The following ATRN variants were observed in gnomAD, a reference collection of about 807,000 sequenced individuals.
ATRN encodes attractin-2.
ATRN carries 54 observed loss-of-function variants against 178.7 expected under a neutral mutation model. That is an observed-to-expected ratio of 0.30 (90% CI 0.24 to 0.38). The LOEUF (loss-of-function observed/expected upper bound fraction) is 0.38, where lower values mean the gene tolerates loss of function less well. ATRN is among the 10% of genes least tolerant of loss of function. The pLI is 1.00. For synonymous variants in ATRN, 636 were observed against 663.0 expected (o/e 0.96, Z 0.63); for missense variants, 1,443 against 1,815.1 (o/e 0.79, Z 3.73).
chr20:3,485,476 T>C lies in ATRN; in HGVS notation c.410+13959T>C, dbSNP rs114306458. Among the ~76,000 whole-genome samples the C allele has an allele frequency of 2.0e-3, 306 of 152,284 alleles. 1 individual carries two copies. Among genetic ancestry groups the C allele is most frequent in the African/African-American group, 7.1e-3 (295 of 41,562 alleles). On this transcript the variant is annotated intron_variant, in intron 1 of 28. Transcript: ENST00000262919. ...TATTGATTTTTGTCTTTTCATCTGTTAATGTGGTAAATTACACTTACATAC... is the reference window on the plus strand; with the variant it reads ...TATTGATTTTTGTCTTTTCATCTGTCAATGTGGTAAATTACACTTACATAC...
chr20:3,546,114 A>G (rs1460098524), intron 4 of ATRN, among the ~76,000 whole-genome samples: 1 of 152,170 alleles, frequency 6.6e-6, no homozygotes, highest in Admixed American at 6.5e-5. Context: ...TAGATTGTCA[A>G]AGTAACTGGT....
At chr20:3,515,001 CT>C (rs1460776206) in intron 1 of ATRN, among the ~76,000 whole-genome samples, 1 of 152,026 alleles carries the variant, frequency 6.6e-6, no homozygotes, top group African/African-American at 2.4e-5. Context: ...ATATTAGGAG[CT>C]TGTACAAAGA....
intron 15 of ATRN, among the ~76,000 whole-genome samples, chr20:3,579,887 C>CG (rs1383160695): frequency 1.3e-5 from 2 of 152,158 alleles, no homozygotes; most frequent in African/African-American, 2.4e-5. Context: ...CCTGTGGCCT[C>CG]TGTGTACCAC....
Position 3,494,791 on chromosome 20 carries a change from C to T in ATRN, c.410+23274C>T, listed in dbSNP as rs565233256. 1.1e-3 allele frequency among the ~76,000 whole-genome samples: 172 copies of T among 152,082 alleles called. 1 individual carries two copies. Among genetic ancestry groups the T allele is most frequent in the Non-Finnish European group, 2.0e-3 (134 of 67,998 alleles). ...AACATAGAGATGGTAGATGAAGCCACGGATGCAGATGTAATTACCTGTAGG... is the reference window on the plus strand; with the variant it reads ...AACATAGAGATGGTAGATGAAGCCATGGATGCAGATGTAATTACCTGTAGG... On this transcript the variant is annotated intron_variant, in intron 1 of 28. Coordinates refer to ENST00000262919, the MANE Select transcript of ATRN (RefSeq NM_139321.3).
intron 1 of ATRN, among the ~76,000 whole-genome samples, chr20:3,510,359 G>C (rs986648932): frequency 6.6e-6 from 1 of 152,198 alleles, no homozygotes. Context: ...CACCTCTGCT[G>C]TTGTAGAGAG....
intron 6 of ATRN, among the ~76,000 whole-genome samples, chr20:3,559,127 A>G (rs1214908438): frequency 6.6e-6 from 1 of 152,186 alleles, no homozygotes; most frequent in Non-Finnish European, 1.5e-5. Context: ...GACTGTGTAT[A>G]GAAGAGGTTT....
At chr20:3,530,509 G>A (rs1039023509) in intron 1 of ATRN, among the ~76,000 whole-genome samples, 7 of 149,424 alleles carry the variant, frequency 4.7e-5, no homozygotes, top group Non-Finnish European at 7.4e-5. Context: ...TCAAACTCCC[G>A]ACCTCGTGAT....
intron 3 of ATRN, 100 bp from the exon 4 acceptor site, chr20:3,545,662 T>G: frequency 6.7e-7 from 1 of 1,483,440 alleles, no homozygotes; most frequent in Non-Finnish European, 9.1e-7. Context: ...GGATGTGGTT[T>G]TTAAATTTTA....
intron 1 of ATRN, among the ~76,000 whole-genome samples, chr20:3,500,931 G>A (rs913676336): frequency 3.6e-4 from 55 of 151,774 alleles, no homozygotes; most frequent in African/African-American, 1.2e-3. Flanking sequence ...ATAACTAAAC[G>A]TATATTTACA....
intron 1 of ATRN, among the ~76,000 whole-genome samples, chr20:3,500,510 A>C (rs1298380826): frequency 2.0e-5 from 3 of 151,814 alleles, no homozygotes; most frequent in African/African-American, 7.3e-5. Context: ...GCAGCCATAA[A>C]AAATGATGAG....
At chr20:3,554,990 C>CTTTTTTTTTTTTTTTTTT (rs536209701) in intron 6 of ATRN, among the ~76,000 whole-genome samples, 1 of 67,490 alleles carries the variant, frequency 1.5e-5, no homozygotes, top group African/African-American at 7.0e-5. Context: ...GACCTGACCT[C>CTTTTTTTTTTTTTTTTTT]TTTTTTTTTT....
chr20:3,609,750 G>GTGTA (rs1491587801), intron 24 of ATRN, among the ~76,000 whole-genome samples: 1 of 143,872 alleles, frequency 7.0e-6, no homozygotes, highest in Non-Finnish European at 1.5e-5. Flanking sequence ...GTGTGTGTGT[G>GTGTA]TATAAAATAA....
intron 1 of ATRN, among the ~76,000 whole-genome samples, chr20:3,514,019 T>C (rs1396187730): frequency 6.6e-6 from 1 of 152,176 alleles, no homozygotes; most frequent in Non-Finnish European, 1.5e-5. Flanking sequence ...TTTCTAGATA[T>C]ACAATCATGT....
intron 6 of ATRN, among the ~76,000 whole-genome samples, chr20:3,549,769 T>A (rs1052645310): frequency 6.6e-6 from 1 of 152,224 alleles, no homozygotes; most frequent in Non-Finnish European, 1.5e-5. Flanking sequence ...GGAGAATATG[T>A]GTTGTCATAG....
chr20:3,578,670 G>A lies in ATRN; in HGVS notation c.2442G>A (p.Leu814=). 4 of 1,614,052 alleles carry A rather than the reference G, an allele frequency of 2.5e-6. No homozygotes were observed. Among genetic ancestry groups the A allele is most frequent in the Non-Finnish European group, 3.4e-6 (4 of 1,179,934 alleles). The change falls in exon 15 of 29, where the codon TTG becomes TTA. Residue 814 remains leucine, a synonymous_variant. Coordinates refer to ENST00000262919, the MANE Select transcript of ATRN (RefSeq NM_139321.3). ...TAKENYDNAK[L]FCRNHNALLA... ...AGGAGAATTATGACAATGCTAAATT[G>A]TTCTGTAGGAACCACAATGCCCTTT...
At chr20:3,475,792 GA>G (rs1045997363) in intron 1 of ATRN, among the ~76,000 whole-genome samples, 2 of 151,102 alleles carry the variant, frequency 1.3e-5, no homozygotes, top group African/African-American at 4.9e-5. Context: ...ACCTTCTGTA[GA>G]AAAAAAAAGA....
chr20:3,485,959 A>G (rs1048098047), intron 1 of ATRN, among the ~76,000 whole-genome samples: 1 of 152,068 alleles, frequency 6.6e-6, no homozygotes, highest in Non-Finnish European at 1.5e-5. Flanking sequence ...TCTTTTGGCA[A>G]GCATGTCAGA....
In ATRN at chr20:3,522,608, G is replaced by A. The variant is rs149208322; in HGVS notation, c.411-12645G>A. Among the ~76,000 whole-genome samples the A allele has an allele frequency of 5.3e-5, 8 of 152,318 alleles. No individual in the cohort carries two copies. In the East Asian group the frequency reaches 1.5e-3, roughly 29 times the overall value. ...CCTCAAGTGGGTCCCTGACCCCCGT[G>A]CCTCCTGACTAGGAGACACCTCCCA... is the stretch of plus-strand genomic sequence containing the variant. On this transcript the variant is annotated intron_variant, in intron 1 of 28. Transcript: ENST00000262919.
At chr20:3,603,519 C>T (rs1419794520) in intron 23 of ATRN, among the ~76,000 whole-genome samples, 1 of 149,174 alleles carries the variant, frequency 6.7e-6, no homozygotes, top group African/African-American at 2.5e-5. Context: ...GACGGAATTT[C>T]GCTCTTATTG....
Sources: gnomAD v4.1 joint callset for allele counts (sites outside exome capture counted in the v4.1 genomes callset) on GRCh38, gnomAD v4.1.1 for gene constraint, MANE v1.5 for transcripts, NCBI Gene and HGNC (gene_info 2026-07-23, HGNC 2026-07-21) for gene names.